Variants in DAB1 observed in about 807,000 individuals in gnomAD.
DAB1 encodes the protein DAB adaptor protein 1, also known as disabled homolog 1.
A neutral mutation model predicts 64.6 loss-of-function variants in DAB1; 15 were observed. That is an observed-to-expected ratio of 0.23 (90% CI 0.16 to 0.36). DAB1 has a LOEUF of 0.36. Ranked by LOEUF, DAB1 falls within the 10% of genes least tolerant of loss-of-function variation. The pLI is 1.00. For missense variants in DAB1, 596 were observed against 706.7 expected, an observed-to-expected ratio of 0.84 and a Z score of 1.78; for synonymous variants, 235 against 251.9, an observed-to-expected ratio of 0.93 and a Z score of 0.64.
chr1:58,189,401 C>T lies in DAB1; in HGVS notation n.310-38813G>A, dbSNP rs541856476. 2.6e-5 allele frequency among the ~76,000 whole-genome samples: 4 copies of T among 152,324 alleles called. No homozygotes were observed. The South Asian group carries it at 8.3e-4, about 32-fold the overall frequency. Reference sequence around the variant, plus strand: ...TCTATTAATTTTACAAATGATGAAACTGGCATGCAGAGAATTTAAGTGGTT... The same window carrying T: ...TCTATTAATTTTACAAATGATGAAATTGGCATGCAGAGAATTTAAGTGGTT... On this transcript the variant is annotated intron_variant and non_coding_transcript_variant, in intron 4 of 20. Coordinates refer to the DAB1 transcript ENST00000485760.
At chr1:57,535,207 G>T (rs913238400) in intron 7 of DAB1, among the ~76,000 whole-genome samples, 1 of 152,084 alleles carries the variant, frequency 6.6e-6, no homozygotes, top group Non-Finnish European at 1.5e-5. Flanking sequence ...AATTGTGGCC[G>T]CATTTATTGT....
At position 57,848,519 on chromosome 1, in the gene DAB1, T is replaced by C. The variant is rs182045389; in HGVS notation, n.88-22064A>G. On this transcript the variant is annotated intron_variant and non_coding_transcript_variant, in intron 1 of 1. Transcript: ENST00000477280. ...GGAGAAAACCACTTGGACATCTTGATGGATCACTTCTACTGAGTCACAGCC... is the reference window on the plus strand; with the variant it reads ...GGAGAAAACCACTTGGACATCTTGACGGATCACTTCTACTGAGTCACAGCC... Among the ~76,000 whole-genome samples the C allele has an allele frequency of 3.2e-3, 482 of 152,344 alleles. 1 individual carries two copies. The highest frequency in any genetic ancestry group is 0.011 in the African/African-American group (474 of 41,584).
intron 14 of DAB1, among the ~76,000 whole-genome samples, chr1:57,007,851 C>A (rs1646134325): frequency 1.3e-5 from 2 of 152,174 alleles, no homozygotes; most frequent in Admixed American, 6.5e-5. Flanking sequence ...TGGAAAGGCA[C>A]TAAGAAATTG....
chr1:57,168,417 C>T (rs1661407727), intron 2 of DAB1, among the ~76,000 whole-genome samples: 1 of 152,268 alleles, frequency 6.6e-6, no homozygotes, highest in South Asian at 2.1e-4. Flanking sequence ...ATCCTTACTC[C>T]CATTTTCCCC....
chr1:57,377,112 A>G (rs1329918705), intron 1 of DAB1, among the ~76,000 whole-genome samples: 3 of 152,120 alleles, frequency 2.0e-5, no homozygotes, highest in Admixed American at 6.5e-5. Flanking sequence ...TCTACTAAAA[A>G]TACAAAAATT....
chr1:57,561,682 A>T (rs2805859), intron 7 of DAB1, among the ~76,000 whole-genome samples: 1 of 152,038 alleles, frequency 6.6e-6, no homozygotes, highest in Admixed American at 6.5e-5. Context: ...ACACCAAGGG[A>T]CAATGAACAA....
At chr1:58,518,677 G>T (rs1373746257) in intron 2 of DAB1, among the ~76,000 whole-genome samples, 1 of 151,918 alleles carries the variant, frequency 6.6e-6, no homozygotes, top group Non-Finnish European at 1.5e-5. Context: ...AAAAGCAACT[G>T]AATAGAGGGT....
At chr1:57,761,254 G>A (rs1649073134) in intron 6 of DAB1, among the ~76,000 whole-genome samples, 1 of 152,160 alleles carries the variant, frequency 6.6e-6, no homozygotes, top group Admixed American at 6.6e-5. Flanking sequence ...ATTTTAACAA[G>A]GAACTAGAAG....
intron 2 of DAB1, among the ~76,000 whole-genome samples, chr1:57,260,427 C>G (rs1670093353): frequency 6.6e-6 from 1 of 152,112 alleles, no homozygotes; most frequent in Admixed American, 6.5e-5. Context: ...ATGATAAAAC[C>G]AAGGCTTCAT....
intron 1 of DAB1, among the ~76,000 whole-genome samples, chr1:57,331,438 T>C (rs116456775): frequency 6.6e-6 from 1 of 152,194 alleles, no homozygotes; most frequent in African/African-American, 2.4e-5. Context: ...TATGGCACCA[T>C]GGTTAAGAGT....
intron 5 of DAB1, among the ~76,000 whole-genome samples, chr1:57,896,583 C>A (rs1424338504): frequency 6.6e-6 from 1 of 152,030 alleles, no homozygotes; most frequent in African/African-American, 2.4e-5. Flanking sequence ...CTGACCAAAC[C>A]CCAGCTTCAC....
At chr1:57,130,761 T>A (rs939286746) in intron 4 of DAB1, among the ~76,000 whole-genome samples, 9 of 152,158 alleles carry the variant, frequency 5.9e-5, no homozygotes, top group African/African-American at 2.2e-4. Flanking sequence ...ATTGGAGAGA[T>A]GTTAGTAAAT....
At chr1:57,332,273 T>C (rs1676735508) in intron 1 of DAB1, among the ~76,000 whole-genome samples, 1 of 152,196 alleles carries the variant, frequency 6.6e-6, no homozygotes, top group Non-Finnish European at 1.5e-5. Context: ...TGGGAGTCTT[T>C]TTTATATAAT....
intron 5 of DAB1, among the ~76,000 whole-genome samples, chr1:58,080,473 G>A (rs1037057179): frequency 6.6e-6 from 1 of 152,162 alleles, no homozygotes; most frequent in Admixed American, 6.5e-5. Flanking sequence ...GATTCCGCTG[G>A]ATACAGACGT....
At chr1:58,321,304 G>A (rs780082404) in intron 4 of DAB1, among the ~76,000 whole-genome samples, 11 of 152,088 alleles carry the variant, frequency 7.2e-5, no homozygotes, top group African/African-American at 1.2e-4. Flanking sequence ...TTCATCATTC[G>A]CGAATAGTAA....
At chr1:58,465,262 A>G (rs1183860022) in intron 3 of DAB1, among the ~76,000 whole-genome samples, 1 of 152,152 alleles carries the variant, frequency 6.6e-6, no homozygotes, top group Non-Finnish European at 1.5e-5. Context: ...CCAAGCCACA[A>G]GGTGGACTGC....
intron 1 of DAB1, among the ~76,000 whole-genome samples, chr1:57,868,163 T>C (rs1053315870): frequency 3.3e-5 from 5 of 152,190 alleles, no homozygotes; most frequent in African/African-American, 9.7e-5. Flanking sequence ...TCCTCAGCTA[T>C]GCAGAATTTC....
intron 2 of DAB1, among the ~76,000 whole-genome samples, chr1:57,157,031 T>A (rs1012409024): frequency 6.6e-6 from 1 of 152,182 alleles, no homozygotes; most frequent in Non-Finnish European, 1.5e-5. Flanking sequence ...GCAATTAGCA[T>A]TTTTTATGAC....
chr1:58,540,491 A>T (rs933055577), intron 1 of DAB1, among the ~76,000 whole-genome samples: 4 of 152,016 alleles, frequency 2.6e-5, no homozygotes, highest in Admixed American at 2.6e-4. Flanking sequence ...TATACTGCAC[A>T]TGTTTAAGAA....
Sources: allele counts gnomAD v4.1 joint callset (sites outside exome capture counted in the v4.1 genomes callset), GRCh38; gene constraint gnomAD v4.1.1; transcripts MANE v1.5; gene names NCBI Gene and HGNC (gene_info 2026-07-23, HGNC 2026-07-21).